The following NHSL2 variants were observed in gnomAD, a reference collection of about 807,000 sequenced individuals.
The protein encoded by NHSL2 is NHS like 2.
In NHSL2, 27 loss-of-function variants were observed where a neutral mutation model predicts 53.4. The observed-to-expected ratio is 0.51, with a 90% CI of 0.37 to 0.70. The LOEUF is 0.70. NHSL2 is among the 30% of genes least tolerant of loss of function. The pLI is 0.00. For missense variants in NHSL2, 892 were observed against 980.1 expected, an observed-to-expected ratio of 0.91 and a Z score of 1.20; for synonymous variants, 408 against 404.1, an observed-to-expected ratio of 1.01 and a Z score of -0.12.
At chrX:72,096,046 A>G (rs912930789) in intron 1 of NHSL2, among the ~76,000 whole-genome samples, 2 of 109,447 alleles carry the variant, frequency 1.8e-5, no homozygotes, top group African/African-American at 6.7e-5. Context: ...ACAGGGGTAG[A>G]CATATTAGCC....
At chrX:72,040,047 T>C (rs2042265072) in intron 1 of NHSL2, among the ~76,000 whole-genome samples, 1 of 112,475 alleles carries the variant, frequency 8.9e-6, no homozygotes, top group Admixed American at 9.3e-5. Context: ...AAGTGCAACA[T>C]TCATACCTAT....
Position 72,146,467 on chromosome X carries a change from C to T in NHSL2, c.*2893C>T, listed in dbSNP as rs1173773415. 1 of 112,208 alleles carries T rather than the reference C, an allele frequency of 8.9e-6. No individual in the cohort carries two copies. Among genetic ancestry groups the T allele is most frequent in the South Asian group, 3.6e-4 (1 of 2,742 alleles). 9.2% of individuals were successfully genotyped at this position (112,208 alleles called of 1,213,427 possible). A position where few individuals can be genotyped will look rare whatever the true frequency, so the allele number is the denominator to read the frequency against. On this transcript the variant is annotated 3_prime_UTR_variant, in exon 8 of 8. Coordinates refer to ENST00000633930, the MANE Select transcript of NHSL2 (RefSeq NM_001013627.3). ...AAGGCTTGCAGAGAACCCACCACTA[C>T]TACAATTACTAGTATAAATAATAAT...
intron 1 of NHSL2, among the ~76,000 whole-genome samples, chrX:71,957,232 G>A (rs1444997249): frequency 8.9e-6 from 1 of 112,062 alleles, no homozygotes; most frequent in African/African-American, 3.2e-5. Flanking sequence ...ATCCCCCAAG[G>A]GGACCTGTTA....
At chrX:72,024,665 G>A (rs1463728585) in intron 1 of NHSL2, among the ~76,000 whole-genome samples, 1 of 111,942 alleles carries the variant, frequency 8.9e-6, no homozygotes. Context: ...AGTGCTATTA[G>A]CAGCATCTGT....
At chrX:71,979,928 T>A (rs1247047176) in intron 1 of NHSL2, among the ~76,000 whole-genome samples, 1 of 111,959 alleles carries the variant, frequency 8.9e-6, no homozygotes, top group Non-Finnish European at 1.9e-5. Context: ...CATCTTGAAT[T>A]AATTTTTGTA....
intron 1 of NHSL2, among the ~76,000 whole-genome samples, chrX:72,030,643 A>G (rs1352235775): frequency 8.9e-6 from 1 of 111,907 alleles, no homozygotes; most frequent in African/African-American, 3.3e-5. Context: ...GTTTGTGATC[A>G]GTGGCATGCT....
intron 1 of NHSL2, among the ~76,000 whole-genome samples, chrX:72,085,196 C>G (rs950012068): frequency 8.9e-6 from 1 of 111,761 alleles, no homozygotes; most frequent in Non-Finnish European, 1.9e-5. Flanking sequence ...GGGATGACCC[C>G]CAGCACAGCC....
At chrX:72,069,664 G>A (rs1262340825) in intron 1 of NHSL2, 11 of 935,981 alleles carry the variant, frequency 1.2e-5, no homozygotes, top group South Asian at 1.2e-4. Flanking sequence ...CGGCCGCCGC[G>A]GTGGCTGCCA....
intron 1 of NHSL2, among the ~76,000 whole-genome samples, chrX:72,057,041 C>T (rs907534831): frequency 4.4e-5 from 5 of 112,485 alleles, no homozygotes; most frequent in African/African-American, 1.3e-4. Flanking sequence ...GGCTGGAGCA[C>T]GTTGGGTAGA....
intron 1 of NHSL2, chrX:72,027,772 G>A (rs993332327): frequency 8.4e-6 from 1 of 119,550 alleles, no homozygotes; most frequent in Non-Finnish European, 1.7e-5. Context: ...GACCCTGTGG[G>A]AGGCGGAAGG....
chrX:72,098,907 T>C (rs948528618), intron 1 of NHSL2, among the ~76,000 whole-genome samples: 1 of 112,242 alleles, frequency 8.9e-6, no homozygotes, highest in African/African-American at 3.2e-5. Flanking sequence ...ACTTATTCCG[T>C]GCATATATAA....
In NHSL2 at chrX:72,140,206, C is replaced by G; in HGVS notation, c.2658C>G (p.His886Gln). ...PVARRPPSLV[H>Q]KPPSVPEEYA... ...CCCGGAGGCCTCCAAGCTTGGTCCA[C>G]AAGCCACCATCTGTTCCTGAGGAGT... Residue 886 changes from histidine to glutamine, a missense_variant, in exon 6 of 8, where the codon CAC (histidine) becomes CAG (glutamine). His to Gln is a conservative substitution (Grantham distance 24). Coordinates refer to ENST00000633930, the MANE Select transcript of NHSL2 (RefSeq NM_001013627.3). 1 of 1,210,615 alleles carries G rather than the reference C, an allele frequency of 8.3e-7. No individual in the cohort carries two copies. The highest frequency in any genetic ancestry group is 1.8e-5 in the South Asian group (1 of 56,839).
chrX:72,009,259 C>T (rs779120474), intron 1 of NHSL2, among the ~76,000 whole-genome samples: 9 of 112,643 alleles, frequency 8.0e-5, no homozygotes, highest in East Asian at 2.8e-4. Flanking sequence ...AGAGGGATGC[C>T]GCCAACTCAT....
chrX:72,131,441 G>A (rs748751086), intron 1 of NHSL2: 2 of 1,208,774 alleles, frequency 1.7e-6, no homozygotes, highest in Admixed American at 2.2e-5. Context: ...CCGAGCTGGA[G>A]GCCCAAATTG....
At position 72,037,731 on chromosome X, in the gene NHSL2, G is replaced by T. The variant is rs137976188; in HGVS notation, c.281-94348G>T. On this transcript the variant is annotated intron_variant, in intron 1 of 7. Transcript: ENST00000633930. ...CCAGTGCCCCCAGTGTTGGCAGAAG[G>T]TTCTTTCCTAGGCCTCTCACTGAGT... Among the ~76,000 whole-genome samples, 25 of 112,115 alleles carry T rather than the reference G, an allele frequency of 2.2e-4. No homozygotes were observed. The South Asian group carries it at 8.9e-3, about 40-fold the overall frequency.
At position 71,989,102 on chromosome X, in the gene NHSL2, C is replaced by G. The variant is rs535589914; in HGVS notation, c.280+77735C>G. On this transcript the variant is annotated intron_variant, in intron 1 of 7. Coordinates refer to ENST00000633930, the MANE Select transcript of NHSL2 (RefSeq NM_001013627.3). ...AGGTAGTGGCACCCTTCTTCTTCCC[C>G]TCAGCTCTGTACCCCACCCACCCTT... Among the ~76,000 whole-genome samples, 8 of 111,577 alleles carry G rather than the reference C, an allele frequency of 7.2e-5. No individual in the cohort carries two copies. In the East Asian group the frequency reaches 1.4e-3, roughly 20 times the overall value.
At chrX:72,037,084 T>G (rs1261649886) in intron 1 of NHSL2, among the ~76,000 whole-genome samples, 2 of 111,977 alleles carry the variant, frequency 1.8e-5, no homozygotes. Context: ...AGGAGGCTCT[T>G]ATTTCAGTCT....
At chrX:71,995,015 C>T (rs1337473025) in intron 1 of NHSL2, among the ~76,000 whole-genome samples, 1 of 112,035 alleles carries the variant, frequency 8.9e-6, no homozygotes, top group African/African-American at 3.2e-5. Flanking sequence ...CCTTGCCCCC[C>T]AAACCTGCTG....
intron 1 of NHSL2, among the ~76,000 whole-genome samples, chrX:71,947,062 C>T (rs754909004): frequency 2.7e-5 from 3 of 112,221 alleles, no homozygotes; most frequent in South Asian, 3.7e-4. Context: ...AAACCTCCAT[C>T]CTCAGCTGCG....
Sources: gnomAD v4.1 joint callset for allele counts (sites outside exome capture counted in the v4.1 genomes callset) on GRCh38, gnomAD v4.1.1 for gene constraint, MANE v1.5 for transcripts, NCBI Gene and HGNC (gene_info 2026-07-23, HGNC 2026-07-21) for gene names.